The following AJAP1 variants were observed in gnomAD, a reference collection of about 807,000 sequenced individuals.
AJAP1 encodes the protein adherens junction-associated protein 1.
AJAP1 carries 5 observed loss-of-function variants against 35.0 expected under a neutral mutation model. The ratio of observed to expected loss-of-function variants is 0.14; its 90% CI spans 0.07 to 0.30. The LOEUF (loss-of-function observed/expected upper bound fraction) is 0.30, where lower values mean the gene tolerates loss of function less well. Among genes scored for constraint, AJAP1 ranks in the 10% least tolerant of loss-of-function variants. The probability of loss-of-function intolerance (pLI) is 1.00; values close to 1 mark genes in which losing one functional copy is unlikely to be tolerated. For missense variants in AJAP1, 586 were observed against 571.0 expected, an observed-to-expected ratio of 1.03 and a Z score of -0.27; for synonymous variants, 284 against 249.3, an observed-to-expected ratio of 1.14 and a Z score of -1.31.
At chr1:4,711,403 G>T (rs1018597213) in intron 1 of AJAP1, among the ~76,000 whole-genome samples, 1 of 150,992 alleles carries the variant, frequency 6.6e-6, no homozygotes, top group African/African-American at 2.5e-5. Context: ...CCCAGTGGGC[G>T]GGGGGTGGCC....
chr1:4,712,038 G>C lies in AJAP1; in HGVS notation c.168G>C (p.Ser56=). Residue 56 remains serine, a synonymous_variant, in exon 2 of 6, where the codon TCG becomes TCC. Coordinates refer to ENST00000378191, the MANE Select transcript of AJAP1 (RefSeq NM_018836.4). ...PGPEFWLLPR[S]PPRPPRLWSF... ...CGGAGTTCTGGCTCCTGCCGCGGTC[G>C]CCGCCCCGGCCGCCCCGGCTGTGGA... 6.3e-7 allele frequency: 1 copy of C among 1,587,738 alleles called. No homozygotes were observed. Among genetic ancestry groups the C allele is most frequent in the East Asian group, 2.4e-5 (1 of 42,226 alleles).
chr1:4,667,386 C>G (rs929901278), intron 1 of AJAP1, among the ~76,000 whole-genome samples: 1 of 152,182 alleles, frequency 6.6e-6, no homozygotes, highest in Non-Finnish European at 1.5e-5. Flanking sequence ...TCCGTGGGGA[C>G]CTTCTCACCT....
chr1:4,721,084 C>G (rs1481552034), intron 2 of AJAP1, among the ~76,000 whole-genome samples: 1 of 152,210 alleles, frequency 6.6e-6, no homozygotes, highest in Non-Finnish European at 1.5e-5. Context: ...ACACGCTCCT[C>G]CCTTTACGTA....
In AJAP1 at chr1:4,670,220, C is replaced by T. The variant is rs1639222118; in HGVS notation, c.29+14766C>T. Among the ~76,000 whole-genome samples the T allele has an allele frequency of 2.0e-5, 3 of 152,246 alleles. No individual in the cohort carries two copies. In the Middle Eastern group the frequency reaches 0.01, roughly 518 times the overall value. On this transcript the variant is annotated intron_variant, in intron 1 of 5. Transcript: ENST00000378191. ...GTGCACCTTGTTCACAGCGCTGGGC[C>T]TGTGGCAGCCGGTCTGTCTTTACTC...
intron 1 of AJAP1, among the ~76,000 whole-genome samples, chr1:4,700,249 T>G (rs1639955541): frequency 6.6e-6 from 1 of 152,062 alleles, no homozygotes; most frequent in African/African-American, 2.4e-5. Flanking sequence ...CGGGTTGAAA[T>G]GGCCATAAAG....
At chr1:4,666,669 A>G (rs1639129375) in intron 1 of AJAP1, among the ~76,000 whole-genome samples, 1 of 130,058 alleles carries the variant, frequency 7.7e-6, no homozygotes, top group Non-Finnish European at 1.6e-5. Context: ...GTGATTCACC[A>G]GAGGGTTGCA....
chr1:4,772,103 AAG>A (rs1641848503), intron 3 of AJAP1, among the ~76,000 whole-genome samples, 175 bp from the exon 4 acceptor site: 3 of 151,376 alleles, frequency 2.0e-5, no homozygotes, highest in Admixed American at 2.0e-4. Context: ...TTTAAAAAAA[AAG>A]AGTTGATTGC....
At position 4,769,953 on chromosome 1, in the gene AJAP1, G is replaced by A; in HGVS notation, c.917+13G>A. The A allele has an allele frequency of 6.2e-7, 1 of 1,606,252 alleles. No homozygotes were observed. The highest frequency in any genetic ancestry group is 8.5e-7 in the Non-Finnish European group (1 of 1,173,150). On this transcript the variant is annotated intron_variant, in intron 3 of 5. Coordinates refer to ENST00000378191, the MANE Select transcript of AJAP1 (RefSeq NM_018836.4). ...TCTTAAAAAATTGGTAAGGCTCCTT[G>A]GGCCCTTCTGGCCCAGAAATGGGGG...
At position 4,727,172 on chromosome 1, in the gene AJAP1, G is replaced by A. The variant is rs1640682901; in HGVS notation, c.829+14473G>A. ...CAGGCGGCCGTTCCCAGGCTCAGGTGGGTGAAGAGCAGGAGACGAACGCTG... is the reference window on the plus strand; with the variant it reads ...CAGGCGGCCGTTCCCAGGCTCAGGTAGGTGAAGAGCAGGAGACGAACGCTG... On this transcript the variant is annotated intron_variant, in intron 2 of 5. Coordinates refer to ENST00000378191, the MANE Select transcript of AJAP1 (RefSeq NM_018836.4). Among the ~76,000 whole-genome samples the A allele has an allele frequency of 1.3e-5, 2 of 152,228 alleles. 1 individual carries two copies. The highest frequency in any genetic ancestry group is 4.1e-4 in the South Asian group (2 of 4,834).
chr1:4,711,703 C>T (rs913922038), intron 1 of AJAP1, among the ~76,000 whole-genome samples, 197 bp from the exon 2 acceptor site: 1 of 152,300 alleles, frequency 6.6e-6, no homozygotes, highest in African/African-American at 2.4e-5. Flanking sequence ...TCGCAGCGCG[C>T]GCTGTTCTTG....
chr1:4,778,127 T>C (rs1191706554), intron 5 of AJAP1, among the ~76,000 whole-genome samples: 4 of 152,216 alleles, frequency 2.6e-5, no homozygotes, highest in Non-Finnish European at 5.9e-5. Flanking sequence ...TGCAGCCCAG[T>C]GGGGCCAGGC....
intron 2 of AJAP1, among the ~76,000 whole-genome samples, chr1:4,737,813 G>T (rs1015667350): frequency 1.1e-4 from 16 of 152,194 alleles, no homozygotes; most frequent in African/African-American, 3.6e-4. Flanking sequence ...GAGGCAGGTG[G>T]ATCGCTTGAG....
intron 2 of AJAP1, among the ~76,000 whole-genome samples, chr1:4,753,524 C>G (rs1641364463): frequency 6.6e-6 from 1 of 151,384 alleles, no homozygotes; most frequent in Non-Finnish European, 1.5e-5. Flanking sequence ...CCCAGTTCCT[C>G]TTGAAATTCT....
At chr1:4,770,071 C>G in intron 3 of AJAP1, 131 bp downstream of exon 3, 2 of 799,494 alleles carry the variant, frequency 2.5e-6, no homozygotes, top group South Asian at 3.1e-5. Context: ...AGTTCAGCTG[C>G]CACAGGCTGC....
In AJAP1 at chr1:4,789,583, A is replaced by G. The variant is rs1449797339; in HGVS notation, c.*7098A>G. ...CTAAAGACTTCAGTCTTGCATGGGCATAAGCAACTCACACTGGTTAGCTTT... is the reference window on the plus strand; with the variant it reads ...CTAAAGACTTCAGTCTTGCATGGGCGTAAGCAACTCACACTGGTTAGCTTT... On this transcript the variant is annotated 3_prime_UTR_variant, in exon 6 of 6. Coordinates refer to ENST00000378191, the MANE Select transcript of AJAP1 (RefSeq NM_018836.4). The surrounding 1 kb of genome is among the most constrained non-coding windows in gnomAD (Gnocchi z 4.4). 6.6e-6 allele frequency: 1 copy of G among 152,242 alleles called. No individual in the cohort carries two copies. Among genetic ancestry groups the G allele is most frequent in the Non-Finnish European group, 1.5e-5 (1 of 68,052 alleles). 9.4% of individuals were successfully genotyped at this position (152,242 alleles called of 1,614,324 possible).
In AJAP1 at chr1:4,785,070, G is replaced by A. The variant is rs1642139328; in HGVS notation, c.*2585G>A. ...TTGGTTCGCTGATCATGAGAACCTA[G>A]GATTCCCGAGGGACTCCTGGTATCT... On this transcript the variant is annotated 3_prime_UTR_variant, in exon 6 of 6. Coordinates refer to ENST00000378191, the MANE Select transcript of AJAP1 (RefSeq NM_018836.4). The A allele has an allele frequency of 6.6e-6, 1 of 152,260 alleles. No homozygotes were observed. Among genetic ancestry groups the A allele is most frequent in the African/African-American group, 2.4e-5 (1 of 41,458 alleles). The allele number at this position is 152,260 out of a possible 1,614,324, so 9.4% of individuals were successfully genotyped here. A position where few individuals can be genotyped will look rare whatever the true frequency, so the allele number is the denominator to read the frequency against.
intron 2 of AJAP1, among the ~76,000 whole-genome samples, chr1:4,752,184 G>A (rs1164570824): frequency 6.6e-6 from 1 of 150,972 alleles, no homozygotes; most frequent in East Asian, 2.0e-4. Context: ...GAGGAGGGAG[G>A]AGAGAGAGGA....
intron 1 of AJAP1, 50 bp from the exon 2 acceptor site, chr1:4,711,850 C>A: frequency 2.2e-6 from 3 of 1,382,702 alleles, no homozygotes; most frequent in Non-Finnish European, 2.9e-6. Context: ...GGCCCAGTCC[C>A]CCTCCTGGGC....
rs1181392351 is a variant in AJAP1, at chr1:4,655,011, G to A, written c.-415G>A. On this transcript the variant is annotated 5_prime_UTR_variant, in exon 1 of 6. Transcript: ENST00000378191. The surrounding 1 kb of genome is among the most constrained non-coding windows in gnomAD (Gnocchi z 6.9). Reference sequence around the variant, plus strand: ...GCAAGAGCCGCGCGCCGGGAGACACGCACCGTGAGCGGCAGCGCCGCCGGC... The same window carrying A: ...GCAAGAGCCGCGCGCCGGGAGACACACACCGTGAGCGGCAGCGCCGCCGGC... The A allele has an allele frequency of 1.3e-5, 2 of 150,486 alleles. No homozygotes were observed. Among genetic ancestry groups the A allele is most frequent in the Admixed American group, 6.6e-5 (1 of 15,140 alleles). 9.3% of individuals were successfully genotyped at this position (150,486 alleles called of 1,614,324 possible). A position where few individuals can be genotyped will look rare whatever the true frequency, so the allele number is the denominator to read the frequency against.
Sources: allele counts gnomAD v4.1 joint callset (sites outside exome capture counted in the v4.1 genomes callset), GRCh38; gene constraint gnomAD v4.1.1; non-coding constraint Gnocchi (gnomAD v3.1); transcripts MANE v1.5; gene names NCBI Gene and HGNC (gene_info 2026-07-23, HGNC 2026-07-21).